The following PLXNA4 variants were observed in gnomAD, a reference collection of about 807,000 sequenced individuals.
PLXNA4 encodes plexin-A4.
Under a neutral mutation model 191.8 loss-of-function variants are expected in PLXNA4, and 44 were observed. The ratio of observed to expected loss-of-function variants is 0.23; its 90% CI spans 0.18 to 0.29. The LOEUF (loss-of-function observed/expected upper bound fraction) is 0.29, where lower values mean the gene tolerates loss of function less well. Among genes scored for constraint, PLXNA4 ranks in the 10% least tolerant of loss-of-function variants. The pLI is 1.00. For synonymous variants in PLXNA4, 1,082 were observed against 1,009.5 expected (o/e 1.07, Z -1.36); for missense variants, 1,800 against 2,488.8 (o/e 0.72, Z 5.89).
At chr7:132,261,980 C>G (rs1213513844) in intron 4 of PLXNA4, among the ~76,000 whole-genome samples, 1 of 152,100 alleles carries the variant, frequency 6.6e-6, no homozygotes, top group East Asian at 1.9e-4. Context: ...AGAGGTTGAC[C>G]AAATAGATCA....
chr7:132,562,824 TCCTTCTCCTC>T (rs1211404016), intron 1 of PLXNA4, among the ~76,000 whole-genome samples: 18 of 116,836 alleles, frequency 1.5e-4, no homozygotes, highest in Non-Finnish European at 1.6e-4. Flanking sequence ...CTTCTCCTCC[TCCTTCTCCTC>T]CTCCTTCTCT....
In PLXNA4 at chr7:132,181,493, G is replaced by A. The variant is rs1796703632; in HGVS notation, c.3380C>T (p.Ser1127Phe). The A allele has an allele frequency of 6.2e-7, 1 of 1,614,058 alleles. No homozygotes were observed. Among genetic ancestry groups the A allele is most frequent in the South Asian group, 1.1e-5 (1 of 91,066 alleles). ...EFGFILDNVQ[S>F]LLILNKTNFT... ...GTTGGTCTTGTTGAGGATGAGCAGGGACTGGACGTTGTCCAGGATGAAGCC... is the reference window on the plus strand; with the variant it reads ...GTTGGTCTTGTTGAGGATGAGCAGGAACTGGACGTTGTCCAGGATGAAGCC... Residue 1127 changes from serine to phenylalanine, a missense_variant, in exon 18 of 32, where the codon TCC becomes TTC. Ser to Phe is a radical substitution (Grantham distance 155). Transcript: ENST00000321063.
intron 2 of PLXNA4, among the ~76,000 whole-genome samples, chr7:132,617,137 A>G (rs1280438255): frequency 6.6e-6 from 1 of 152,066 alleles, no homozygotes; most frequent in African/African-American, 2.4e-5. Flanking sequence ...GCTTCTCTTG[A>G]CTGATCCTAT....
intron 8 of PLXNA4, among the ~76,000 whole-genome samples, chr7:132,225,668 C>A (rs1028484578): frequency 6.6e-6 from 1 of 152,022 alleles, no homozygotes; most frequent in Admixed American, 6.5e-5. Flanking sequence ...CCTGTCTGCA[C>A]TCAGCCTGGG....
At chr7:132,493,727 A>G (rs563828587) in intron 2 of PLXNA4, among the ~76,000 whole-genome samples, 11 of 132,938 alleles carry the variant, frequency 8.3e-5, no homozygotes, top group Non-Finnish European at 3.2e-5. Context: ...GGATGGGTGG[A>G]TGGGTGGATG....
intron 3 of PLXNA4, among the ~76,000 whole-genome samples, chr7:132,453,023 CAGTT>C (rs532811300): frequency 3.8e-4 from 58 of 152,214 alleles, no homozygotes; most frequent in African/African-American, 1.4e-3. Context: ...CTGCAGGCAA[CAGTT>C]AGGGAGCCAC....
intron 4 of PLXNA4, among the ~76,000 whole-genome samples, chr7:132,268,275 C>A (rs926731741): frequency 6.6e-6 from 1 of 152,194 alleles, no homozygotes; most frequent in African/African-American, 2.4e-5. Flanking sequence ...GGAATGCATG[C>A]AGGTAAAACT....
At chr7:132,343,018 T>C (rs1803099895) in intron 3 of PLXNA4, among the ~76,000 whole-genome samples, 1 of 151,446 alleles carries the variant, frequency 6.6e-6, no homozygotes, top group Non-Finnish European at 1.5e-5. Flanking sequence ...TACTGGCATC[T>C]GGCAGAAGTC....
intron 30 of PLXNA4, 27 bp downstream of exon 30, chr7:132,140,572 G>A (rs773327056): frequency 1.2e-6 from 2 of 1,610,438 alleles, no homozygotes; most frequent in East Asian, 2.2e-5. Context: ...AAGGGGCCCT[G>A]ACTTGGCTCC....
chr7:132,541,437 A>G (rs898744664), intron 1 of PLXNA4, among the ~76,000 whole-genome samples: 2 of 152,214 alleles, frequency 1.3e-5, no homozygotes, highest in Admixed American at 1.3e-4. Flanking sequence ...CTTCAACTTT[A>G]CTGGCCCCAG....
At chr7:132,258,261 G>A (rs139713999) in intron 4 of PLXNA4, among the ~76,000 whole-genome samples, 1 of 152,248 alleles carries the variant, frequency 6.6e-6, no homozygotes, top group African/African-American at 2.4e-5. Flanking sequence ...AAAGGCGGCC[G>A]GGGGCTGAGC....
At chr7:132,368,687 A>T (rs1386581302) in intron 3 of PLXNA4, among the ~76,000 whole-genome samples, 2 of 152,176 alleles carry the variant, frequency 1.3e-5, no homozygotes, top group Non-Finnish European at 2.9e-5. Context: ...GCCCGTCCCC[A>T]TCAACAGTTG....
chr7:132,339,860 A>T (rs1318668766), intron 3 of PLXNA4, among the ~76,000 whole-genome samples: 1 of 152,186 alleles, frequency 6.6e-6, no homozygotes, highest in Non-Finnish European at 1.5e-5. Flanking sequence ...GTTTCTTTAT[A>T]AAAAGGCCTC....
chr7:132,576,554 C>A, upstream of PLXNA4: 1 of 986,124 alleles, frequency 1.0e-6, no homozygotes, highest in Non-Finnish European at 1.2e-6. The surrounding 1 kb of genome is among the most constrained non-coding windows in gnomAD (Gnocchi z 5.8). Context: ...CCAGCCCCAG[C>A]CCCGAACGCA....
At chr7:132,309,787 T>C (rs907657459) in intron 3 of PLXNA4, among the ~76,000 whole-genome samples, 4 of 152,184 alleles carry the variant, frequency 2.6e-5, no homozygotes, top group African/African-American at 9.7e-5. Flanking sequence ...GACTCCTGTG[T>C]GAGCTGCTAC....
chr7:132,564,686 A>G (rs1801632378), intron 1 of PLXNA4, among the ~76,000 whole-genome samples: 1 of 152,256 alleles, frequency 6.6e-6, no homozygotes, highest in African/African-American at 2.4e-5. Flanking sequence ...TGCTTGATCA[A>G]TTGATTAAAT....
chr7:132,240,839 T>C (rs550850339), intron 5 of PLXNA4, among the ~76,000 whole-genome samples: 2 of 152,260 alleles, frequency 1.3e-5, no homozygotes, highest in East Asian at 1.9e-4. Context: ...ATGATTCCCA[T>C]GCCACCGTTG....
chr7:132,325,544 G>A (rs1169579951), intron 3 of PLXNA4, among the ~76,000 whole-genome samples: 1 of 152,096 alleles, frequency 6.6e-6, no homozygotes, highest in Non-Finnish European at 1.5e-5. Context: ...CCATATTACT[G>A]GTGTCCTTAA....
At chr7:132,273,052 A>T (rs1471165772) in intron 4 of PLXNA4, among the ~76,000 whole-genome samples, 2 of 152,198 alleles carry the variant, frequency 1.3e-5, no homozygotes, top group Non-Finnish European at 2.9e-5. Context: ...ACTACCTGGT[A>T]GGTATTCATC....
Sources: allele counts gnomAD v4.1 joint callset (sites outside exome capture counted in the v4.1 genomes callset), GRCh38; gene constraint gnomAD v4.1.1; non-coding constraint Gnocchi (gnomAD v3.1); transcripts MANE v1.5; gene names NCBI Gene and HGNC (gene_info 2026-07-23, HGNC 2026-07-21).